The following NRIP1 variants were observed in gnomAD, a reference collection of about 807,000 sequenced individuals.
The protein encoded by NRIP1 is nuclear receptor-interacting protein 1.
Under a neutral mutation model 75.0 loss-of-function variants are expected in NRIP1, and 28 were observed. That is an observed-to-expected ratio of 0.37 (90% CI 0.28 to 0.51). The LOEUF is 0.51. Ranked by LOEUF, NRIP1 falls within the 20% of genes least tolerant of loss-of-function variation. The pLI is 0.92. For synonymous variants in NRIP1, 526 were observed against 487.6 expected, an observed-to-expected ratio of 1.08 and a Z score of -1.04; for missense variants, 1,435 against 1,343.7, an observed-to-expected ratio of 1.07 and a Z score of -1.06.
At chr21:15,063,834 T>G (rs1365293074) in intron 1 of NRIP1, among the ~76,000 whole-genome samples, 1 of 152,250 alleles carries the variant, frequency 6.6e-6, no homozygotes, top group Non-Finnish European at 1.5e-5. Context: ...CTTCTTTTAC[T>G]ACCTTCAGCA....
intron 2 of NRIP1, among the ~76,000 whole-genome samples, chr21:15,022,681 G>T (rs753816556): frequency 6.6e-6 from 1 of 152,168 alleles, no homozygotes; most frequent in Non-Finnish European, 1.5e-5. Context: ...GAATTAAGAT[G>T]ACTATCCACC....
chr21:15,030,911 C>T (rs2088645181), intron 2 of NRIP1, among the ~76,000 whole-genome samples: 1 of 132,380 alleles, frequency 7.6e-6, no homozygotes, highest in Non-Finnish European at 1.8e-5. Flanking sequence ...TCACCACATT[C>T]CCTTTCTATG....
At chr21:15,057,275 AACATAACTAGCCTTGGGAAC>A (rs2089326912) in intron 1 of NRIP1, among the ~76,000 whole-genome samples, 1 of 152,246 alleles carries the variant, frequency 6.6e-6, no homozygotes, top group Non-Finnish European at 1.5e-5. Flanking sequence ...GAAGTGGACA[AACATAACTAGCCTTGGGAAC>A]ACTCAGTTTA....
At position 15,029,238 on chromosome 21, in the gene NRIP1, C is replaced by T. The variant is rs150807775; in HGVS notation, c.-458+14257G>A. Among the ~76,000 whole-genome samples the T allele has an allele frequency of 1.1e-3, 175 of 152,292 alleles. 1 individual carries two copies. The highest frequency in any genetic ancestry group is 2.1e-3 in the Non-Finnish European group (144 of 68,030). On this transcript the variant is annotated intron_variant, in intron 2 of 3. Coordinates refer to ENST00000318948, the MANE Select transcript of NRIP1 (RefSeq NM_003489.4). ...AACATGATATTGGGCCACTCTTCTGCTCAAAACTTTCTAGGGGCTTCCCCC... is the reference window on the plus strand; with the variant it reads ...AACATGATATTGGGCCACTCTTCTGTTCAAAACTTTCTAGGGGCTTCCCCC...
At position 14,965,533 on chromosome 21, in the gene NRIP1, G is replaced by C. The variant is rs1455070558; in HGVS notation, c.2660C>G (p.Pro887Arg). The C allele has an allele frequency of 6.2e-7, 1 of 1,613,970 alleles. No individual in the cohort carries two copies. Among genetic ancestry groups the C allele is most frequent in the East Asian group, 2.2e-5 (1 of 44,880 alleles). Reference sequence around the variant, plus strand: ...AAGCAAGGACCCATACAGTACTTCTGGGGCACTGTGATTGTTTGCAGCATC... The same window carrying C: ...AAGCAAGGACCCATACAGTACTTCTCGGGCACTGTGATTGTTTGCAGCATC... ...IVDAANNHSA[P>R]EVLYGSLLNQ... The change falls in exon 4 of 4, where the codon CCA (proline) becomes CGA (arginine). Residue 887 changes from proline (P) to arginine (R), a missense_variant. Physicochemically the swap from Pro to Arg is moderately radical, Grantham distance 103. Transcript: ENST00000318948.
Position 14,965,893 on chromosome 21 carries a change from T to G in NRIP1, c.2300A>C (p.Asn767Thr). Reference sequence around the variant, plus strand: ...ATCATGGCTCAAGTGCACATTTGTGTTAGGAATTTGTAAGTCATCACAAGG... The same window carrying G: ...ATCATGGCTCAAGTGCACATTTGTGGTAGGAATTTGTAAGTCATCACAAGG... ...SEPCDDLQIP[N>T]TNVHLSHDAK... Residue 767 changes from asparagine to threonine, a missense_variant, in exon 4 of 4, where the codon AAC becomes ACC. Physicochemically the swap from Asn to Thr is moderately conservative, Grantham distance 65. Transcript: ENST00000318948. 6.2e-7 allele frequency: 1 copy of G among 1,614,112 alleles called. No homozygotes were observed. The highest frequency in any genetic ancestry group is 8.5e-7 in the Non-Finnish European group (1 of 1,179,984).
chr21:15,042,913 G>A (rs1289081424), intron 2 of NRIP1, among the ~76,000 whole-genome samples: 2 of 152,184 alleles, frequency 1.3e-5, no homozygotes, highest in African/African-American at 4.8e-5. Flanking sequence ...CACATGTCCT[G>A]ACACTCTGGG....
rs928404380 is a variant in NRIP1 at position 14,964,508 on chromosome 21, A to G, written c.*208T>C. ...TGCATACAGAAGTGTTAAACAACCA[A>G]TTGCTAGTTCAGTAGTTTCCTCATG... is the stretch of plus-strand genomic sequence containing the variant. On this transcript the variant is annotated 3_prime_UTR_variant, in exon 4 of 4. Coordinates refer to ENST00000318948, the MANE Select transcript of NRIP1 (RefSeq NM_003489.4). 9.1e-6 allele frequency: 4 copies of G among 441,040 alleles called. No homozygotes were observed. In the East Asian group the frequency reaches 1.4e-4, roughly 15 times the overall value. 27.3% of individuals were successfully genotyped at this position (441,040 alleles called of 1,614,324 possible).
At chr21:15,026,743 GA>G (rs2088530505) in intron 2 of NRIP1, among the ~76,000 whole-genome samples, 1 of 152,102 alleles carries the variant, frequency 6.6e-6, no homozygotes, top group Non-Finnish European at 1.5e-5. Context: ...CAGAGGGGAA[GA>G]AATAAATACA....
At chr21:15,064,555 C>T (rs954748111) in intron 1 of NRIP1, among the ~76,000 whole-genome samples, 190 bp downstream of exon 1, 13 of 151,970 alleles carry the variant, frequency 8.6e-5, no homozygotes, top group South Asian at 4.2e-4. Context: ...CCCCGGCCCC[C>T]CGCGAGAACC....
chr21:15,023,447 AAAC>A (rs1438192704), intron 2 of NRIP1, among the ~76,000 whole-genome samples: 1 of 152,206 alleles, frequency 6.6e-6, no homozygotes, highest in African/African-American at 2.4e-5. Flanking sequence ...AACAAACAGA[AAAC>A]AACATTTAAA....
intron 3 of NRIP1, among the ~76,000 whole-genome samples, chr21:14,982,585 C>T (rs2087267701): frequency 6.6e-6 from 1 of 151,850 alleles, no homozygotes; most frequent in Non-Finnish European, 1.5e-5. Flanking sequence ...AGTTGTTCCT[C>T]TCTGTGACTC....
intron 3 of NRIP1, among the ~76,000 whole-genome samples, chr21:15,012,282 A>G (rs1016360079): frequency 2.6e-5 from 4 of 152,178 alleles, no homozygotes; most frequent in Non-Finnish European, 4.4e-5. Flanking sequence ...TTTAAAAGGA[A>G]AACATATTTA....
intron 3 of NRIP1, among the ~76,000 whole-genome samples, chr21:14,995,780 T>C (rs909158141): frequency 3.3e-5 from 5 of 152,132 alleles, no homozygotes; most frequent in African/African-American, 9.7e-5. Flanking sequence ...TGTGTGTGTG[T>C]GTGTGTGTAT....
intron 3 of NRIP1, among the ~76,000 whole-genome samples, chr21:14,976,360 C>T (rs947403796): frequency 9.9e-5 from 15 of 152,208 alleles, no homozygotes; most frequent in African/African-American, 2.9e-4. Flanking sequence ...GGGGAAAGAT[C>T]TAAGTTTCAA....
At chr21:15,011,379 CAG>C (rs1223449913) in intron 3 of NRIP1, among the ~76,000 whole-genome samples, 1 of 152,152 alleles carries the variant, frequency 6.6e-6, no homozygotes, top group Admixed American at 6.5e-5. Context: ...TTAGTACAGA[CAG>C]GGTTTCACCG....
Position 15,035,617 on chromosome 21 carries a change from C to T in NRIP1, c.-458+7878G>A, listed in dbSNP as rs908155347. 4.1e-5 allele frequency among the ~76,000 whole-genome samples: 6 copies of T among 144,942 alleles called. No individual in the cohort carries two copies. In the South Asian group the frequency reaches 1.1e-3, roughly 26 times the overall value. On this transcript the variant is annotated intron_variant, in intron 2 of 3. Transcript: ENST00000318948. ...TGTTGCCCAGGCTGGAGTGCAGTGG[C>T]GCGATCTCGGCTCACTGCAACTTCC...
In NRIP1 at chr21:15,036,068, G is replaced by A. The variant is rs192898599; in HGVS notation, c.-458+7427C>T. The stretch of plus-strand genomic sequence containing the variant: ...AAGTAACTTTAATAACACTCCTTGT[G>A]AGGTTATATCCATTTCTATGACAAT... On this transcript the variant is annotated intron_variant, in intron 2 of 3. Coordinates refer to ENST00000318948, the MANE Select transcript of NRIP1 (RefSeq NM_003489.4). Among the ~76,000 whole-genome samples, 10 of 152,250 alleles carry A rather than the reference G, an allele frequency of 6.6e-5. No homozygotes were observed. The East Asian group carries it at 1.5e-3, about 24-fold the overall frequency.
chr21:15,022,377 C>T (rs1256995526), intron 2 of NRIP1, among the ~76,000 whole-genome samples: 1 of 151,992 alleles, frequency 6.6e-6, no homozygotes, highest in Non-Finnish European at 1.5e-5. Context: ...ACACACTGGG[C>T]CTGTTGGGTG....
Sources: gnomAD v4.1 joint callset for allele counts (sites outside exome capture counted in the v4.1 genomes callset) on GRCh38, gnomAD v4.1.1 for gene constraint, MANE v1.5 for transcripts, NCBI Gene and HGNC (gene_info 2026-07-23, HGNC 2026-07-21) for gene names.